Variants in GALNTL5 observed in about 807,000 individuals in gnomAD.
GALNTL5 encodes polypeptide N-acetylgalactosaminyltransferase like 5, also known as inactive polypeptide N-acetylgalactosaminyltransferase-like protein 5.
GALNTL5 carries 44 observed loss-of-function variants against 51.0 expected under a neutral mutation model. That is an observed-to-expected ratio of 0.86 (90% CI 0.68 to 1.11). The LOEUF (loss-of-function observed/expected upper bound fraction) is 1.11. Among genes scored for constraint, GALNTL5 ranks in the 50% least tolerant of loss-of-function variants. The probability of loss-of-function intolerance (pLI) is 0.00; values close to 1 mark genes in which losing one functional copy is unlikely to be tolerated. For synonymous variants in GALNTL5, 192 were observed against 182.8 expected (o/e 1.05, Z -0.41); for missense variants, 528 against 531.8 (o/e 0.99, Z 0.07).
intron 5 of GALNTL5, among the ~76,000 whole-genome samples, chr7:152,002,232 A>G (rs1217336387): frequency 6.6e-6 from 1 of 151,956 alleles, no homozygotes; most frequent in African/African-American, 2.4e-5. Flanking sequence ...GTGAGCCAAT[A>G]TCATGCCACT....
chr7:151,957,558 AAAG>A (rs1326423213), intron 1 of GALNTL5, among the ~76,000 whole-genome samples: 6 of 136,192 alleles, frequency 4.4e-5, no homozygotes, highest in South Asian at 2.4e-4. Flanking sequence ...CAAAAAAAAA[AAAG>A]AAAAGAAAAA....
intron 5 of GALNTL5, among the ~76,000 whole-genome samples, chr7:151,997,644 A>G (rs2081516329): frequency 6.6e-6 from 1 of 152,190 alleles, no homozygotes; most frequent in African/African-American, 2.4e-5. Flanking sequence ...AATTTTTAAT[A>G]TTGCATTTAT....
In GALNTL5 at chr7:152,019,771, A is replaced by C. The variant is rs1447361143; in HGVS notation, c.1302A>C (p.Pro434=). ...SFQWYLDNVF[P]ELEASVNSL is the part of the protein sequence containing the mutation. ...AGTGGTATTTGGATAATGTCTTCCC[A>C]GAGTTGGAGGCATCTGTGAACAGCC... The change falls in exon 9 of 9, where the codon CCA becomes CCC. Residue 434 remains proline (P), a synonymous_variant. Transcript: ENST00000392800. The C allele has an allele frequency of 6.2e-7, 1 of 1,613,684 alleles. No homozygotes were observed. The highest frequency in any genetic ancestry group is 1.7e-5 in the Admixed American group (1 of 59,998).
intron 1 of GALNTL5, among the ~76,000 whole-genome samples, chr7:151,962,105 C>CGA (rs1347369950): frequency 6.6e-6 from 1 of 150,842 alleles, no homozygotes; most frequent in Non-Finnish European, 1.5e-5. Flanking sequence ...CGGGTTGAAG[C>CGA]GATTCTCCTG....
intron 5 of GALNTL5, among the ~76,000 whole-genome samples, chr7:151,998,343 AT>A (rs796572661): frequency 7.2e-5 from 11 of 152,226 alleles, no homozygotes; most frequent in African/African-American, 2.4e-4. Context: ...AAAAAAGTCT[AT>A]TTTTTTAACA....
chr7:151,976,251 C>T (rs1346896919), intron 3 of GALNTL5, among the ~76,000 whole-genome samples: 1 of 152,036 alleles, frequency 6.6e-6, no homozygotes, highest in Non-Finnish European at 1.5e-5. Flanking sequence ...GGTTCTCTGA[C>T]GTTGGGTGCA....
intron 6 of GALNTL5, among the ~76,000 whole-genome samples, chr7:152,006,573 G>A (rs572775478): frequency 2.0e-5 from 3 of 152,110 alleles, no homozygotes; most frequent in South Asian, 4.2e-4. Context: ...GAATTCAACC[G>A]CATCTTACTA....
chr7:152,007,413 CTT>C (rs34271081), intron 6 of GALNTL5, among the ~76,000 whole-genome samples: 146 of 109,880 alleles, frequency 1.3e-3, no homozygotes, highest in Middle Eastern at 5.4e-3. Context: ...AATGTTTTCT[CTT>C]TTTTTTTTTT....
intron 5 of GALNTL5, among the ~76,000 whole-genome samples, chr7:151,992,209 ATGT>A (rs1384584036): frequency 6.6e-6 from 1 of 152,116 alleles, no homozygotes; most frequent in African/African-American, 2.4e-5. Flanking sequence ...TCTACCTCTA[ATGT>A]TGATTAGAAG....
chr7:151,989,851 G>A (rs2081405472), intron 5 of GALNTL5, among the ~76,000 whole-genome samples: 1 of 152,112 alleles, frequency 6.6e-6, no homozygotes, highest in Admixed American at 6.5e-5. Flanking sequence ...ATTGCTTACA[G>A]ATCATTTTTC....
intron 4 of GALNTL5, chr7:151,986,037 C>G (rs2151948704): frequency 6.6e-6 from 1 of 152,388 alleles, no homozygotes; most frequent in Non-Finnish European, 1.5e-5. Flanking sequence ...GTCCCAGCCT[C>G]CTTTATCATC....
At chr7:152,008,087 G>A (rs1586851040) in intron 7 of GALNTL5, 143 bp downstream of exon 7, 1 of 576,910 alleles carries the variant, frequency 1.7e-6, no homozygotes, top group Non-Finnish European at 3.1e-6. Flanking sequence ...AATTTATGGG[G>A]CTCCTTGTAA....
At chr7:151,982,710 T>C in intron 3 of GALNTL5, 2 of 492,328 alleles carry the variant, frequency 4.1e-6, no homozygotes, top group East Asian at 4.4e-5. Flanking sequence ...GTTTATACTA[T>C]GTTTAAAATA....
chr7:151,968,115 G>T (rs1021405676), intron 2 of GALNTL5, among the ~76,000 whole-genome samples: 1 of 151,966 alleles, frequency 6.6e-6, no homozygotes, highest in Non-Finnish European at 1.5e-5. Flanking sequence ...GGGGAACATA[G>T]CAAGACACCA....
At chr7:151,982,427 TAAATAA>T (rs1647783474) in intron 3 of GALNTL5, among the ~76,000 whole-genome samples, 1 of 152,064 alleles carries the variant, frequency 6.6e-6, no homozygotes, top group Non-Finnish European at 1.5e-5. Context: ...AAAGAATGAA[TAAATAA>T]AAATGAAATA....
chr7:151,981,010 G>T (rs1437052266), intron 3 of GALNTL5, among the ~76,000 whole-genome samples: 1 of 152,022 alleles, frequency 6.6e-6, no homozygotes, highest in African/African-American at 2.4e-5. Context: ...CTCCCAAAGT[G>T]CTGGGATTAC....
chr7:151,993,196 T>A (rs1441571895), intron 5 of GALNTL5, among the ~76,000 whole-genome samples: 2 of 150,288 alleles, frequency 1.3e-5, no homozygotes, highest in African/African-American at 4.9e-5. Context: ...ATCATGCCAT[T>A]GCACTCCAGC....
At chr7:151,983,596 A>T (rs933919836) in intron 4 of GALNTL5, among the ~76,000 whole-genome samples, 1 of 152,134 alleles carries the variant, frequency 6.6e-6, no homozygotes, top group Admixed American at 6.6e-5. Context: ...TATATGGTGG[A>T]CATGTGAGAC....
intron 1 of GALNTL5, among the ~76,000 whole-genome samples, chr7:151,966,646 G>A (rs2151938681): frequency 6.6e-6 from 1 of 152,314 alleles, no homozygotes; most frequent in South Asian, 2.1e-4. Context: ...CTCTTTAGAT[G>A]AGAGCTGCAA....
Sources: gnomAD v4.1 joint callset for allele counts (sites outside exome capture counted in the v4.1 genomes callset) on GRCh38, gnomAD v4.1.1 for gene constraint, MANE v1.5 for transcripts, NCBI Gene and HGNC (gene_info 2026-07-23, HGNC 2026-07-21) for gene names.